Variants in FANK1 observed in about 807,000 individuals in gnomAD.
FANK1 encodes fibronectin type 3 and ankyrin repeat domains protein 1.
FANK1 carries 44 observed loss-of-function variants against 45.3 expected under a neutral mutation model. That is an observed-to-expected ratio of 0.97 (90% CI 0.76 to 1.25). FANK1 has a LOEUF of 1.25. Among genes scored for constraint, FANK1 ranks in the 50% most tolerant of loss-of-function variants. FANK1 has a pLI of 0.00. For synonymous variants in FANK1, 149 were observed against 152.5 expected, an observed-to-expected ratio of 0.98 and a Z score of 0.17; for missense variants, 391 against 424.4, an observed-to-expected ratio of 0.92 and a Z score of 0.69.
intron 2 of FANK1, among the ~76,000 whole-genome samples, chr10:125,984,185 C>T (rs937283977): frequency 1.1e-4 from 16 of 152,056 alleles, no homozygotes; most frequent in African/African-American, 3.1e-4. Context: ...ACACACCATG[C>T]CCACCGTGGG....
intron 1 of FANK1, among the ~76,000 whole-genome samples, chr10:125,941,185 A>T (rs1170689907): frequency 6.6e-6 from 1 of 152,254 alleles, no homozygotes; most frequent in Non-Finnish European, 1.5e-5. Context: ...CTATATTTGC[A>T]ACATATCTAA....
chr10:125,937,069 CA>C (rs899811938), intron 1 of FANK1, among the ~76,000 whole-genome samples: 59 of 142,968 alleles, frequency 4.1e-4, no homozygotes, highest in African/African-American at 1.3e-3. Context: ...AACTCCGTCT[CA>C]AAAAAAAAAA....
intron 1 of FANK1, among the ~76,000 whole-genome samples, chr10:125,918,730 A>T (rs1445985556): frequency 6.6e-6 from 1 of 151,296 alleles, no homozygotes; most frequent in Non-Finnish European, 1.5e-5. Flanking sequence ...TGTTCAGTAA[A>T]TATTATTCCT....
chr10:125,971,887 A>G (rs2134191775), intron 1 of FANK1, among the ~76,000 whole-genome samples: 1 of 152,258 alleles, frequency 6.6e-6, no homozygotes, highest in East Asian at 1.9e-4. Context: ...CTCCGAAAGT[A>G]AAGTGCTGGG....
chr10:125,972,362 GATCCTAAAACCAAT>G (rs1201918925), intron 1 of FANK1: 1 of 152,018 alleles, frequency 6.6e-6, no homozygotes, highest in East Asian at 1.9e-4. Context: ...ACATATTTAG[GATCCTAAAACCAAT>G]ATCCTAAAAT....
chr10:125,979,124 C>T (rs776426985), intron 1 of FANK1, among the ~76,000 whole-genome samples: 18 of 152,136 alleles, frequency 1.2e-4, no homozygotes, highest in Non-Finnish European at 2.5e-4. Flanking sequence ...GTCATTGCTT[C>T]TCTGGGCAGG....
intron 9 of FANK1, 37 bp from the exon 10 acceptor site, chr10:126,009,185 T>G: frequency 2.5e-6 from 4 of 1,614,188 alleles, no homozygotes; most frequent in Non-Finnish European, 3.4e-6. Context: ...AGAAAACATT[T>G]ATAAGCATGT....
intron 1 of FANK1, among the ~76,000 whole-genome samples, chr10:125,937,740 A>G (rs1460477366): frequency 6.6e-6 from 1 of 152,224 alleles, no homozygotes; most frequent in Non-Finnish European, 1.5e-5. Context: ...TTTATAGTAT[A>G]TAGGTTTTGC....
At chr10:125,970,620 C>T (rs969532317) in intron 1 of FANK1, among the ~76,000 whole-genome samples, 2 of 152,160 alleles carry the variant, frequency 1.3e-5, no homozygotes, top group African/African-American at 2.4e-5. Flanking sequence ...GGAGACCAGC[C>T]GGGCCAACAC....
chr10:125,958,407 G>A (rs1949714371), intron 1 of FANK1, among the ~76,000 whole-genome samples: 1 of 152,194 alleles, frequency 6.6e-6, no homozygotes, highest in African/African-American at 2.4e-5. Flanking sequence ...GGGTGAAAGA[G>A]GAAGCAGGCA....
chr10:125,926,925 CG>C (rs1477927496), intron 1 of FANK1, among the ~76,000 whole-genome samples: 1 of 151,404 alleles, frequency 6.6e-6, no homozygotes, highest in African/African-American at 2.4e-5. Flanking sequence ...AGATCATGAA[CG>C]TACAACTCAA....
chr10:125,972,187 A>C (rs1363953632), intron 1 of FANK1: 1 of 152,222 alleles, frequency 6.6e-6, no homozygotes, highest in African/African-American at 2.4e-5. Flanking sequence ...ACACTAGTAC[A>C]TGACCCAAAT....
intron 1 of FANK1, among the ~76,000 whole-genome samples, chr10:125,966,343 C>T (rs927067439): frequency 6.6e-6 from 1 of 152,036 alleles, no homozygotes; most frequent in African/African-American, 2.4e-5. Flanking sequence ...CTCTTTATCC[C>T]GAGACCTCAC....
At chr10:125,896,939 G>C (rs937715692) in intron 1 of FANK1, among the ~76,000 whole-genome samples, 16 of 152,278 alleles carry the variant, frequency 1.1e-4, no homozygotes, top group African/African-American at 3.6e-4. Context: ...AGCGACCCCA[G>C]CGTGCGTCTT....
chr10:125,904,562 G>T (rs1389567062), intron 1 of FANK1, among the ~76,000 whole-genome samples: 1 of 151,770 alleles, frequency 6.6e-6, no homozygotes, highest in Non-Finnish European at 1.5e-5. Context: ...GGGACTACAG[G>T]CTGCAGAAAC....
chr10:125,970,475 A>G (rs1174226532), intron 1 of FANK1, among the ~76,000 whole-genome samples: 1 of 152,214 alleles, frequency 6.6e-6, no homozygotes, highest in Non-Finnish European at 1.5e-5. Context: ...AGGCCAAGGC[A>G]GGCAGCTGGG....
chr10:125,941,238 A>G (rs951996220), intron 1 of FANK1, among the ~76,000 whole-genome samples: 4 of 152,116 alleles, frequency 2.6e-5, no homozygotes, highest in Non-Finnish European at 5.9e-5. Flanking sequence ...CTACAAGTCA[A>G]TTAAAATACA....
At chr10:125,907,350 T>C (rs555374456) in intron 1 of FANK1, 34 of 332,816 alleles carry the variant, frequency 1.0e-4, no homozygotes, top group Middle Eastern at 1.4e-3. Flanking sequence ...CTTAATGTCT[T>C]CAAACAACAA....
chr10:125,941,855 A>G (rs1215075266), intron 1 of FANK1, among the ~76,000 whole-genome samples: 2 of 152,246 alleles, frequency 1.3e-5, no homozygotes, highest in African/African-American at 4.8e-5. Flanking sequence ...ATACGGAAGA[A>G]TTCATATTAC....
Sources: allele counts gnomAD v4.1 joint callset (sites outside exome capture counted in the v4.1 genomes callset), GRCh38; gene constraint gnomAD v4.1.1; transcripts MANE v1.5; gene names NCBI Gene and HGNC (gene_info 2026-07-23, HGNC 2026-07-21).